Variants in PRDM15 observed in about 807,000 individuals in gnomAD.
PRDM15 encodes the protein PR/SET domain 15, also known as PR domain zinc finger protein 15.
PRDM15 carries 64 observed loss-of-function variants against 128.6 expected under a neutral mutation model. The observed-to-expected ratio is 0.50, with a 90% CI of 0.41 to 0.61. The LOEUF (loss-of-function observed/expected upper bound fraction) is 0.61. PRDM15 is among the 20% of genes least tolerant of loss of function. The pLI is 0.00. For synonymous variants in PRDM15, 615 were observed against 621.8 expected (o/e 0.99, Z 0.16); for missense variants, 1,242 against 1,569.1 (o/e 0.79, Z 3.52).
Position 41,859,740 on chromosome 21 carries a change from C to T in PRDM15, c.38-55G>A, listed in dbSNP as rs939373411. 2.0e-6 allele frequency: 3 copies of T among 1,481,664 alleles called. No homozygotes were observed. The highest frequency in any genetic ancestry group is 2.8e-6 in the Non-Finnish European group (3 of 1,069,518). The allele number at this position is 1,481,664 out of a possible 1,614,324, so 91.8% of individuals were successfully genotyped here. A position where few individuals can be genotyped will look rare whatever the true frequency, so the allele number is the denominator to read the frequency against. On this transcript the variant is annotated intron_variant, in intron 2 of 23. Coordinates refer to ENST00000398548, the MANE Select transcript of PRDM15 (RefSeq NM_001040424.3). The surrounding 1 kb of genome is among the most constrained non-coding windows in gnomAD (Gnocchi z 5.3). ...CCCAGGGAGGGAGACACCTAAAGAA[C>T]ACAAACCTGGGAAATGGGGACCCTG...
intron 5 of PRDM15, among the ~76,000 whole-genome samples, chr21:41,852,098 T>A (rs528700116): frequency 6.6e-6 from 1 of 152,326 alleles, no homozygotes; most frequent in African/African-American, 2.4e-5. Flanking sequence ...TTCATTTAAA[T>A]CTATTGTTTC....
chr21:41,878,898 C>T, intron 1 of PRDM15: 1 of 956,874 alleles, frequency 1.0e-6, no homozygotes, highest in Non-Finnish European at 1.2e-6. Context: ...CCCGGCAGCC[C>T]CGCGGCCCCG....
chr21:41,839,775 T>C lies in PRDM15; in HGVS notation c.719A>G (p.Glu240Gly). 6.2e-7 allele frequency: 1 copy of C among 1,614,260 alleles called. No homozygotes were observed. Among genetic ancestry groups the C allele is most frequent in the Non-Finnish European group, 8.5e-7 (1 of 1,180,056 alleles). Reference sequence around the variant, plus strand: ...GGGTTCCCCCCGGGGTGTGTCCTGCTCCTTCTCGGGAGCTGCTGCCTCGCT... The same window carrying C: ...GGGTTCCCCCCGGGGTGTGTCCTGCCCCTTCTCGGGAGCTGCTGCCTCGCT... ...SQSEAAAPEK[E>G]QDTPRGEPPA... is the part of the protein sequence containing the mutation. The change falls in exon 7 of 24, where the codon GAG becomes GGG. Residue 240 changes from glutamate (E) to glycine (G), a missense_variant. By Grantham distance (98) the Glu-to-Gly change is moderately conservative (BLOSUM62 -2). This residue lies in a region of PRDM15 where 612 missense variants were observed against 717.0 expected (regional missense o/e 0.85). Transcript: ENST00000398548.
intron 10 of PRDM15, among the ~76,000 whole-genome samples, 192 bp downstream of exon 10, chr21:41,835,921 C>A (rs1324742274): frequency 3.4e-5 from 5 of 148,832 alleles, no homozygotes; most frequent in Admixed American, 3.3e-4. Flanking sequence ...CCACTCTCCT[C>A]CCTCCCCCAC....
At chr21:41,803,350 T>C (rs2061467658) in intron 22 of PRDM15, among the ~76,000 whole-genome samples, 1 of 152,230 alleles carries the variant, frequency 6.6e-6, no homozygotes, top group Non-Finnish European at 1.5e-5. Flanking sequence ...AAAACAGATT[T>C]GACCACAAAA....
At chr21:41,816,152 T>C (rs2062043678) in intron 18 of PRDM15, among the ~76,000 whole-genome samples, 1 of 152,168 alleles carries the variant, frequency 6.6e-6, no homozygotes, top group East Asian at 1.9e-4. Context: ...GCGGGAGAAT[T>C]CGGTGAGAGA....
intron 6 of PRDM15, among the ~76,000 whole-genome samples, chr21:41,840,442 CAAAAAAAAAAA>C (rs35052917): frequency 1.1e-5 from 1 of 91,150 alleles, no homozygotes; most frequent in African/African-American, 4.2e-5. Context: ...AAGACTGTCT[CAAAAAAAAAAA>C]AAAAAAAAAG....
chr21:41,846,318 A>G (rs772464416), intron 6 of PRDM15, among the ~76,000 whole-genome samples: 6 of 152,260 alleles, frequency 3.9e-5, no homozygotes, highest in Non-Finnish European at 8.8e-5. Flanking sequence ...TAAGAGAAAT[A>G]AACAGAAAGT....
At position 41,824,928 on chromosome 21, in the gene PRDM15, G is replaced by T. The variant is rs188973264; in HGVS notation, c.1629+1032C>A. Among the ~76,000 whole-genome samples the T allele has an allele frequency of 6.6e-5, 10 of 152,260 alleles. 1 individual carries two copies. Among genetic ancestry groups the T allele is most frequent in the African/African-American group, 2.4e-4 (10 of 41,478 alleles). On this transcript the variant is annotated intron_variant, in intron 13 of 23. Transcript: ENST00000398548. ...GCAGGACGGCGGGGACGGTGACAGC[G>T]GGCCTCCTGCGGGGGCCTGTGCTCC...
rs781207900 is a variant in PRDM15, at chr21:41,810,125, G to C, written c.2652+29C>G. 6.3e-7 allele frequency: 1 copy of C among 1,587,390 alleles called. No homozygotes were observed. The highest frequency in any genetic ancestry group is 2.2e-5 in the East Asian group (1 of 44,470). On this transcript the variant is annotated intron_variant, in intron 21 of 23. Transcript: ENST00000398548. This position sits in a 1 kb window ranked among gnomAD's most constrained non-coding sequence, Gnocchi z 6.4. Reference sequence around the variant, plus strand: ...GTCCGGTGCGCGGCCCGCTGGCGGGGCACGGAGGGGGCACAGCCACCAGCT... The same window carrying C: ...GTCCGGTGCGCGGCCCGCTGGCGGGCCACGGAGGGGGCACAGCCACCAGCT...
chr21:41,868,843 C>T (rs1192159712), intron 1 of PRDM15, among the ~76,000 whole-genome samples: 1 of 151,934 alleles, frequency 6.6e-6, no homozygotes, highest in African/African-American at 2.4e-5. Flanking sequence ...GTGCCCACCA[C>T]CATGCCCAGC....
chr21:41,847,383 G>A (rs933374330), intron 5 of PRDM15, among the ~76,000 whole-genome samples, 192 bp from the exon 6 acceptor site: 4 of 152,236 alleles, frequency 2.6e-5, no homozygotes, highest in South Asian at 4.2e-4. Flanking sequence ...TGATACGGTC[G>A]TGTGACTGTC....
intron 10 of PRDM15, 114 bp downstream of exon 10, chr21:41,835,999 G>T: frequency 5.4e-6 from 1 of 184,586 alleles, no homozygotes; most frequent in South Asian, 4.3e-5. Flanking sequence ...CACAGCCCCC[G>T]CCCACTCTCC....
At chr21:41,812,654 TC>T (rs1333551971) in intron 19 of PRDM15, 2 of 152,134 alleles carry the variant, frequency 1.3e-5, no homozygotes, top group East Asian at 1.9e-4. Context: ...AGAGCAAGCA[TC>T]CCCAACAGAC....
intron 21 of PRDM15, among the ~76,000 whole-genome samples, chr21:41,809,842 T>A (rs949325662): frequency 1.3e-5 from 2 of 152,150 alleles, no homozygotes; most frequent in Non-Finnish European, 2.9e-5. Flanking sequence ...GGAGCCCCCA[T>A]TTTGCACATT....
chr21:41,875,845 C>T (rs1252666037), intron 1 of PRDM15, among the ~76,000 whole-genome samples: 2 of 152,184 alleles, frequency 1.3e-5, no homozygotes, highest in African/African-American at 4.8e-5. Context: ...GCAGTACACT[C>T]GTGTGTAGCT....
In PRDM15 at chr21:41,801,315, C is replaced by A. The variant is rs759648530; in HGVS notation, c.3351G>T (p.Pro1117=). The A allele has an allele frequency of 3.7e-5, 59 of 1,574,354 alleles. No individual in the cohort carries two copies. The highest frequency in any genetic ancestry group is 4.7e-5 in the Non-Finnish European group (54 of 1,157,854). ...PQTDVLPPSQ[P]QAPPQQAAQP... is the part of the protein sequence containing the mutation. Reference sequence around the variant, plus strand: ...GGGCCGCCTGCTGTGGGGGTGCCTGCGGCTGCGAGGGTGGCAAGACGTCAG... The same window carrying A: ...GGGCCGCCTGCTGTGGGGGTGCCTGAGGCTGCGAGGGTGGCAAGACGTCAG... Residue 1117 remains proline, a synonymous_variant, in exon 24 of 24, where the codon CCG becomes CCT. Transcript: ENST00000398548.
chr21:41,872,681 T>G (rs563864794), intron 1 of PRDM15, among the ~76,000 whole-genome samples: 1 of 152,202 alleles, frequency 6.6e-6, no homozygotes, highest in African/African-American at 2.4e-5. Flanking sequence ...CAACATGCTG[T>G]GCACACATTT....
At chr21:41,874,976 A>G (rs2064358725) in intron 1 of PRDM15, 1 of 152,436 alleles carries the variant, frequency 6.6e-6, no homozygotes, top group African/African-American at 2.4e-5. Context: ...ACAGGCTGAC[A>G]CCTGTCATCC....
Sources: gnomAD v4.1 joint callset for allele counts (sites outside exome capture counted in the v4.1 genomes callset) on GRCh38, gnomAD v4.1.1 for gene constraint, gnomAD v4.1.1 regional missense constraint, Gnocchi (gnomAD v3.1) non-coding constraint, MANE v1.5 for transcripts, NCBI Gene and HGNC (gene_info 2026-07-23, HGNC 2026-07-21) for gene names.